DACH1: variants seen among roughly 807,000 people sequenced by gnomAD.
DACH1 encodes dachshund homolog 1.
In DACH1, 12 loss-of-function variants were observed where a neutral mutation model predicts 54.2. That is an observed-to-expected ratio of 0.22 (90% CI 0.14 to 0.36). The LOEUF (loss-of-function observed/expected upper bound fraction) is 0.36. DACH1 is among the 10% of genes least tolerant of loss of function. DACH1 has a pLI of 1.00. For synonymous variants in DACH1, 386 were observed against 366.2 expected (o/e 1.05, Z -0.62); for missense variants, 805 against 929.8 (o/e 0.87, Z 1.75).
intron 2 of DACH1, among the ~76,000 whole-genome samples, chr13:71,656,401 T>C (rs79612802): frequency 2.0e-5 from 3 of 152,160 alleles, no homozygotes; most frequent in African/African-American, 7.2e-5. Context: ...GAATAGGGCA[T>C]CTGGTCAAAC....
chr13:71,476,950 A>G (rs924894700), intron 8 of DACH1, among the ~76,000 whole-genome samples: 7 of 151,224 alleles, frequency 4.6e-5, no homozygotes, highest in Admixed American at 3.3e-4. Context: ...TTCCATATTT[A>G]CTGTTTGATT....
At chr13:71,530,436 A>C (rs1037064886) in intron 6 of DACH1, among the ~76,000 whole-genome samples, 2 of 151,728 alleles carry the variant, frequency 1.3e-5, no homozygotes, top group Non-Finnish European at 2.9e-5. Context: ...TATTTGGACA[A>C]GGACAAAGAC....
intron 6 of DACH1, among the ~76,000 whole-genome samples, chr13:71,538,708 T>C (rs1384980118): frequency 6.6e-6 from 1 of 152,112 alleles, no homozygotes; most frequent in East Asian, 1.9e-4. Context: ...ATAGTACATT[T>C]AGTTTAAAAA....
At chr13:71,661,664 G>GAAA (rs1281670151) in intron 2 of DACH1, among the ~76,000 whole-genome samples, 11 of 151,944 alleles carry the variant, frequency 7.2e-5, no homozygotes, top group Non-Finnish European at 5.9e-5. Flanking sequence ...TTGAAATTAA[G>GAAA]TTTATTTCTA....
At chr13:71,599,089 GATAAA>G (rs1260336783) in intron 3 of DACH1, among the ~76,000 whole-genome samples, 1 of 151,966 alleles carries the variant, frequency 6.6e-6, no homozygotes, top group Non-Finnish European at 1.5e-5. Context: ...AAAAACTAAA[GATAAA>G]ATAAGTCAAA....
chr13:71,630,825 C>G, intron 2 of DACH1, 108 bp from the exon 3 acceptor site: 1 of 1,260,562 alleles, frequency 7.9e-7, no homozygotes, highest in South Asian at 1.8e-5. Context: ...GTATCTGATT[C>G]CTTTATGCAA....
At chr13:71,689,891 T>G (rs145929614) in intron 1 of DACH1, among the ~76,000 whole-genome samples, 1 of 152,178 alleles carries the variant, frequency 6.6e-6, no homozygotes, top group Non-Finnish European at 1.5e-5. Context: ...TCCCCTTTTT[T>G]AGAATATACA....
At chr13:71,557,292 T>G (rs1884317754) in intron 5 of DACH1, 134 bp from the exon 6 acceptor site, 2 of 589,452 alleles carry the variant, frequency 3.4e-6, no homozygotes, top group Non-Finnish European at 5.1e-6. Context: ...ACCTTTAAAT[T>G]TATAATCTAT....
chr13:71,853,303 T>C (rs1873789985), intron 1 of DACH1, among the ~76,000 whole-genome samples: 1 of 152,180 alleles, frequency 6.6e-6, no homozygotes, highest in African/African-American at 2.4e-5. Context: ...TGAAGAGATC[T>C]TTCTGCCTAC....
chr13:71,476,948 T>A (rs1220697138), intron 8 of DACH1, among the ~76,000 whole-genome samples: 1 of 151,256 alleles, frequency 6.6e-6, no homozygotes, highest in Non-Finnish European at 1.5e-5. Context: ...CATTCCATAT[T>A]TACTGTTTGA....
At chr13:71,721,815 A>C (rs1335432024) in intron 1 of DACH1, among the ~76,000 whole-genome samples, 1 of 152,182 alleles carries the variant, frequency 6.6e-6, no homozygotes, top group Non-Finnish European at 1.5e-5. Flanking sequence ...TTAAAAAATA[A>C]GATTTTAGAT....
At chr13:71,464,702 C>T in intron 10 of DACH1, 1 of 453,198 alleles carries the variant, frequency 2.2e-6, no homozygotes, top group South Asian at 1.6e-5. Context: ...ATTTTAATTT[C>T]ACTTTAACTG....
rs139490151 is a variant in DACH1 at position 71,843,072 on chromosome 13, A to G, written c.848+22850T>C. ...TGCTATCCTGCATTATCTGAATGTTATTTTTATTTTTTTAATTTTTAATTT... is the reference window on the plus strand; with the variant it reads ...TGCTATCCTGCATTATCTGAATGTTGTTTTTATTTTTTTAATTTTTAATTT... On this transcript the variant is annotated intron_variant, in intron 1 of 10. Coordinates refer to ENST00000613252, the MANE Select transcript of DACH1 (RefSeq NM_080759.6). 3.4e-3 allele frequency among the ~76,000 whole-genome samples: 514 copies of G among 152,150 alleles called. 1 individual carries two copies. Among genetic ancestry groups the G allele is most frequent in the African/African-American group, 0.012 (484 of 41,514 alleles).
At chr13:71,440,971 T>G (rs959491811) in intron 10 of DACH1, among the ~76,000 whole-genome samples, 2 of 152,000 alleles carry the variant, frequency 1.3e-5, no homozygotes, top group African/African-American at 4.8e-5. Flanking sequence ...AGAGTATGTG[T>G]GTGTATTTTA....
chr13:71,793,708 G>C (rs1886924201), intron 1 of DACH1, among the ~76,000 whole-genome samples: 2 of 151,936 alleles, frequency 1.3e-5, no homozygotes, highest in South Asian at 4.1e-4. Context: ...TTTATTTTTT[G>C]TAGAGATGAG....
chr13:71,866,730 C>A lies in DACH1; in HGVS notation c.40G>T (p.Val14Phe), dbSNP rs1874849706. 7.0e-7 allele frequency: 1 copy of A among 1,435,532 alleles called. No individual in the cohort carries two copies. Among genetic ancestry groups the A allele is most frequent in the Non-Finnish European group, 9.2e-7 (1 of 1,085,186 alleles). 88.9% of individuals were successfully genotyped at this position (1,435,532 alleles called of 1,614,324 possible). A position where few individuals can be genotyped will look rare whatever the true frequency, so the allele number is the denominator to read the frequency against. Reference protein sequence around the residue: ...PAALIPPTQLVPPQPPISTSA... With the variant: ...PAALIPPTQLFPPQPPISTSA... ...GTGGAGATTGGGGGTTGAGGGGGGA[C>A]CAGCTGGGTCGGAGGGATCAAAGCC... Residue 14 changes from valine to phenylalanine, a missense_variant, in exon 1 of 11, where the codon GTC (valine) becomes TTC (phenylalanine). Coordinates refer to ENST00000613252, the MANE Select transcript of DACH1 (RefSeq NM_080759.6).
intron 1 of DACH1, among the ~76,000 whole-genome samples, chr13:71,769,011 T>G (rs1214869992): frequency 2.0e-5 from 3 of 151,816 alleles, no homozygotes; most frequent in African/African-American, 7.2e-5. Context: ...TGACAACCTG[T>G]GCATTAAACA....
chr13:71,704,320 T>C, intron 1 of DACH1: 1 of 394,468 alleles, frequency 2.5e-6, no homozygotes, highest in Non-Finnish European at 4.8e-6. Context: ...TGCGTACTGT[T>C]CAAAAAGGAA....
intron 1 of DACH1, among the ~76,000 whole-genome samples, chr13:71,748,509 C>G (rs966267462): frequency 6.6e-6 from 1 of 152,126 alleles, no homozygotes; most frequent in African/African-American, 2.4e-5. Context: ...AATGATATTC[C>G]TGTTGCTTAT....
Sources: gnomAD v4.1 joint callset for allele counts (sites outside exome capture counted in the v4.1 genomes callset) on GRCh38, gnomAD v4.1.1 for gene constraint, MANE v1.5 for transcripts, NCBI Gene and HGNC (gene_info 2026-07-23, HGNC 2026-07-21) for gene names.